The following ZFYVE9 variants were observed in gnomAD, a reference collection of about 807,000 sequenced individuals.
The protein encoded by ZFYVE9 is zinc finger FYVE domain-containing protein 9.
In ZFYVE9, 43 loss-of-function variants were observed where a neutral mutation model predicts 126.7. The ratio of observed to expected loss-of-function variants is 0.34; its 90% confidence interval spans 0.27 to 0.44. ZFYVE9 has a LOEUF of 0.44. Ranked by LOEUF, ZFYVE9 falls within the 20% of genes least tolerant of loss-of-function variation. ZFYVE9 has a pLI of 1.00. For synonymous variants in ZFYVE9, 521 were observed against 597.4 expected (o/e 0.87, Z 1.87); for missense variants, 1,476 against 1,697.0 (o/e 0.87, Z 2.29).
chr1:52,324,268 C>A (rs1569758742), intron 13 of ZFYVE9, among the ~76,000 whole-genome samples: 3 of 150,924 alleles, frequency 2.0e-5, no homozygotes, highest in African/African-American at 7.4e-5. Flanking sequence ...CACACACACA[C>A]ACACAAAAAC....
chr1:52,243,901 T>C (rs1479664907), intron 4 of ZFYVE9, among the ~76,000 whole-genome samples: 3 of 152,052 alleles, frequency 2.0e-5, no homozygotes, highest in African/African-American at 4.8e-5. Context: ...GCTGAGCCCA[T>C]GTGGTCAAGC....
chr1:52,316,184 A>AAG (rs1167416218), intron 13 of ZFYVE9, among the ~76,000 whole-genome samples: 9 of 148,158 alleles, frequency 6.1e-5, no homozygotes, highest in Admixed American at 3.4e-4. Context: ...AAAAAAAAAA[A>AAG]AAAAAAGAAA....
At chr1:52,182,116 A>G (rs1277646440) in intron 1 of ZFYVE9, among the ~76,000 whole-genome samples, 1 of 148,970 alleles carries the variant, frequency 6.7e-6, no homozygotes, top group Admixed American at 6.6e-5. Flanking sequence ...CCCCCCGTCC[A>G]GGAGAGAGGT....
intron 2 of ZFYVE9, among the ~76,000 whole-genome samples, chr1:52,224,369 G>C (rs1645150969): frequency 6.6e-6 from 1 of 152,128 alleles, no homozygotes; most frequent in Non-Finnish European, 1.5e-5. Context: ...GGCAGGGGAA[G>C]GTGGTCTAGA....
intron 2 of ZFYVE9, among the ~76,000 whole-genome samples, chr1:52,224,475 G>A (rs1190230162): frequency 1.3e-5 from 2 of 152,164 alleles, no homozygotes; most frequent in Non-Finnish European, 2.9e-5. Flanking sequence ...TTAGGGGATA[G>A]AGAAGGACAG....
At chr1:52,222,788 G>T (rs568632602) in intron 2 of ZFYVE9, among the ~76,000 whole-genome samples, 1 of 152,172 alleles carries the variant, frequency 6.6e-6, no homozygotes, top group Admixed American at 6.5e-5. Flanking sequence ...GCTTTCTTCC[G>T]AAGTGGTGAC....
At chr1:52,148,560 T>C (rs184306264) in intron 1 of ZFYVE9, among the ~76,000 whole-genome samples, 1 of 152,294 alleles carries the variant, frequency 6.6e-6, no homozygotes, top group African/African-American at 2.4e-5. Flanking sequence ...ATAGAACTGA[T>C]TAACCACATT....
chr1:52,308,988 C>T (rs1213460524), intron 13 of ZFYVE9, among the ~76,000 whole-genome samples: 1 of 152,102 alleles, frequency 6.6e-6, no homozygotes, highest in Non-Finnish European at 1.5e-5. Context: ...AAATTTATTG[C>T]AAGTATACTA....
At chr1:52,317,472 ACT>A (rs1330248771) in intron 13 of ZFYVE9, among the ~76,000 whole-genome samples, 2 of 111,540 alleles carry the variant, frequency 1.8e-5, no homozygotes, top group Non-Finnish European at 1.8e-5. Flanking sequence ...ACAGAGCAAG[ACT>A]CTGTCTCAGA....
rs959609379 is a variant in ZFYVE9, at chr1:52,180,383, G to C, written c.-142-35986G>C. The C allele has an allele frequency of 4.6e-6, 7 of 1,534,148 alleles. No homozygotes were observed. The Admixed American group carries it at 6.7e-5, about 15-fold the overall frequency. ...AGGCTCAGTTTATTGGTCCTCTGGT[G>C]TTTGGCGGCATTAACCTGACAAGAG... On this transcript the variant is annotated intron_variant, in intron 1 of 18. Transcript: ENST00000287727.
intron 5 of ZFYVE9, 134 bp downstream of exon 5, chr1:52,264,006 T>C (rs1645610143): frequency 4.4e-6 from 2 of 451,934 alleles, no homozygotes; most frequent in East Asian, 7.0e-5. Flanking sequence ...ACTGAAAATA[T>C]TTAGCTAAAT....
At chr1:52,173,746 G>C (rs1437197082) in intron 1 of ZFYVE9, among the ~76,000 whole-genome samples, 3 of 151,992 alleles carry the variant, frequency 2.0e-5, no homozygotes, top group South Asian at 2.1e-4. Context: ...TGTATGTGTC[G>C]AGGAATTTAT....
chr1:52,202,355 C>T (rs1473087961), intron 1 of ZFYVE9, among the ~76,000 whole-genome samples: 1 of 152,018 alleles, frequency 6.6e-6, no homozygotes, highest in Non-Finnish European at 1.5e-5. Context: ...TCTCGGTTAA[C>T]CTCAACCTCC....
At position 52,144,299 on chromosome 1, in the gene ZFYVE9, C is replaced by T. The variant is rs568118644; in HGVS notation, c.-143+1896C>T. On this transcript the variant is annotated intron_variant, in intron 1 of 18. Transcript: ENST00000287727. The stretch of plus-strand genomic sequence containing the variant: ...GGGCCACTGACTCTAGCCTGGGCAA[C>T]AGAGCGAGACTCCATCTCAAAAAAA... 2.1e-4 allele frequency among the ~76,000 whole-genome samples: 32 copies of T among 151,962 alleles called. 1 individual carries two copies. The South Asian group carries it at 4.6e-3, about 22-fold the overall frequency.
At chr1:52,337,625 G>A (rs1646401045) in intron 15 of ZFYVE9, 147 bp from the exon 16 acceptor site, 3 of 769,936 alleles carry the variant, frequency 3.9e-6, no homozygotes, top group Non-Finnish European at 6.1e-6. Context: ...AACACTTTCA[G>A]TAAGAGGTTC....
At chr1:52,291,387 G>A (rs1338170092) in intron 10 of ZFYVE9, among the ~76,000 whole-genome samples, 1 of 152,164 alleles carries the variant, frequency 6.6e-6, no homozygotes, top group Non-Finnish European at 1.5e-5. Flanking sequence ...TTGCTTCATT[G>A]GGTGTTATTG....
At chr1:52,177,383 C>G (rs1390538837) in intron 1 of ZFYVE9, among the ~76,000 whole-genome samples, 1 of 152,194 alleles carries the variant, frequency 6.6e-6, no homozygotes, top group East Asian at 1.9e-4. Context: ...CTCCTGACCT[C>G]ATGATCCATC....
At chr1:52,294,039 A>G (rs1645950157) in intron 11 of ZFYVE9, among the ~76,000 whole-genome samples, 1 of 152,208 alleles carries the variant, frequency 6.6e-6, no homozygotes, top group Non-Finnish European at 1.5e-5. Context: ...ATTTTACTTA[A>G]CATACTGGAA....
At position 52,263,762 on chromosome 1, in the gene ZFYVE9, C is replaced by CCA. The variant is rs755500340; in HGVS notation, c.2179-10_2179-9insAC. Reference sequence around the variant, plus strand: ...AAATTTTGTGTGTTCTTCCCCCCCCCCCCCCCACAGGTTTTCTGTGCTTCC... The same window carrying CCA: ...AAATTTTGTGTGTTCTTCCCCCCCCCCACCCCCCACAGGTTTTCTGTGCTTCC... On this transcript the variant is annotated splice_polypyrimidine_tract_variant and intron_variant, in intron 4 of 18. Transcript: ENST00000287727. 1.1e-6 allele frequency: 1 copy of CCA among 935,704 alleles called. No homozygotes were observed. Among genetic ancestry groups the CCA allele is most frequent in the Non-Finnish European group, 1.5e-6 (1 of 649,876 alleles). The allele number at this position is 935,704 out of a possible 1,614,324, so 58.0% of individuals were successfully genotyped here. A position where few individuals can be genotyped will look rare whatever the true frequency, so the allele number is the denominator to read the frequency against.
Sources: gnomAD v4.1 joint callset for allele counts (sites outside exome capture counted in the v4.1 genomes callset) on GRCh38, gnomAD v4.1.1 for gene constraint, MANE v1.5 for transcripts, NCBI Gene and HGNC (gene_info 2026-07-23, HGNC 2026-07-21) for gene names.